Variants in PTER observed in about 807,000 individuals in gnomAD.
PTER encodes N-acetyltaurine hydrolase.
A neutral mutation model predicts 29.6 loss-of-function variants in PTER; 38 were observed. The observed-to-expected ratio is 1.28, with a 90% CI of 0.99 to 1.68. The LOEUF is 1.68. PTER is among the 40% of genes most tolerant of loss of function. The pLI, the probability that PTER is intolerant of heterozygous loss-of-function variation, is 0.00. For missense variants in PTER, 482 were observed against 427.8 expected (o/e 1.13, Z -1.12); for synonymous variants, 172 against 154.5 (o/e 1.11, Z -0.84).
intron 3 of PTER, among the ~76,000 whole-genome samples, chr10:16,499,113 T>A (rs1836232084): frequency 6.6e-6 from 1 of 152,010 alleles, no homozygotes; most frequent in South Asian, 2.1e-4. Flanking sequence ...GAGACCTGAG[T>A]TTATCTTTTC....
At chr10:16,495,497 T>C (rs1836061123) in intron 3 of PTER, among the ~76,000 whole-genome samples, 1 of 152,192 alleles carries the variant, frequency 6.6e-6, no homozygotes, top group Non-Finnish European at 1.5e-5. Flanking sequence ...TAAACAATTT[T>C]TAATGATCAG....
At chr10:16,485,814 C>G (rs946090200) in intron 2 of PTER, among the ~76,000 whole-genome samples, 5 of 152,016 alleles carry the variant, frequency 3.3e-5, no homozygotes, top group South Asian at 2.1e-4. Context: ...TTTCTTGATG[C>G]CTTGTGCGGT....
chr10:16,472,407 C>T (rs1415259542), intron 1 of PTER, among the ~76,000 whole-genome samples: 2 of 152,022 alleles, frequency 1.3e-5, no homozygotes, highest in South Asian at 2.1e-4. Flanking sequence ...ATCACGGGGG[C>T]GGTTTCCCCC....
downstream of PTER, among the ~76,000 whole-genome samples, chr10:16,516,907 A>G (rs887879005): frequency 3.9e-5 from 6 of 152,172 alleles, no homozygotes; most frequent in African/African-American, 1.4e-4. Context: ...CCTATACTGT[A>G]CCGTAAGACT....
At chr10:16,455,136 G>A (rs777294819) in intron 1 of PTER, among the ~76,000 whole-genome samples, 1 of 152,068 alleles carries the variant, frequency 6.6e-6, no homozygotes, top group African/African-American at 2.4e-5. Context: ...GGCTGCAGTG[G>A]GAGGATCACT....
At chr10:16,507,088 G>A (rs1202967480) in intron 4 of PTER, among the ~76,000 whole-genome samples, 1 of 151,552 alleles carries the variant, frequency 6.6e-6, no homozygotes, top group Non-Finnish European at 1.5e-5. Flanking sequence ...TTGAGATGAG[G>A]GTCATGGGAT....
chr10:16,492,650 C>T (rs45575743), intron 3 of PTER, among the ~76,000 whole-genome samples: 18,926 of 152,208 alleles, frequency 0.12, 1,243 homozygotes, highest in Middle Eastern at 0.21. Flanking sequence ...AATTTTTGAG[C>T]CCCCTGGAGG....
intron 3 of PTER, among the ~76,000 whole-genome samples, chr10:16,494,543 C>G (rs1836020437): frequency 6.6e-6 from 1 of 152,156 alleles, no homozygotes; most frequent in East Asian, 1.9e-4. Flanking sequence ...GAAAGTCATG[C>G]CTCCGTGCAA....
chr10:16,502,685 T>A (rs1202254300), intron 3 of PTER, among the ~76,000 whole-genome samples: 1 of 152,122 alleles, frequency 6.6e-6, no homozygotes, highest in Non-Finnish European at 1.5e-5. Context: ...TTGGTTCTCC[T>A]GTGGTTTATA....
intron 1 of PTER, among the ~76,000 whole-genome samples, chr10:16,441,800 C>G (rs1833859429): frequency 6.6e-6 from 1 of 152,094 alleles, no homozygotes; most frequent in Non-Finnish European, 1.5e-5. Flanking sequence ...CAATGGTGGT[C>G]TCTGCTTTAC....
intron 3 of PTER, chr10:16,486,877 C>T (rs1835722841): frequency 2.0e-5 from 8 of 402,526 alleles, no homozygotes; most frequent in Middle Eastern, 6.8e-4. Flanking sequence ...CTTTAATTTA[C>T]TCAATCCTTT....
Position 16,486,559 on chromosome 10 carries a change from C to T in PTER, c.640C>T (p.Arg214Ter), listed in dbSNP as rs370033967. The change falls in exon 3 of 5, where the codon CGA (arginine) becomes TGA (stop). Residue 214 changes from arginine to a stop codon, truncating the protein, a stop_gained. Transcript: ENST00000535784. LOFTEE classifies it high-confidence loss of function. Reference protein sequence around the residue: ...RSSRAPFQIIRILQEAGADIS... With the variant: ...RSSRAPFQII ...CTCCAGGGCACCATTTCAGATTATC[C>T]GAATATTGCAAGAAGCAGGCGCAGA... is the stretch of plus-strand genomic sequence containing the variant. 2.0e-5 allele frequency: 32 copies of T among 1,613,758 alleles called. No individual in the cohort carries two copies. The highest frequency in any genetic ancestry group is 1.6e-4 in the Middle Eastern group (1 of 6,084).
chr10:16,465,574 A>G (rs766053546), intron 1 of PTER, among the ~76,000 whole-genome samples: 1 of 152,198 alleles, frequency 6.6e-6, no homozygotes, highest in Non-Finnish European at 1.5e-5. Context: ...ACGAAAACAT[A>G]GGTTTGCTTG....
At chr10:16,474,388 C>A (rs1469929842) in intron 1 of PTER, among the ~76,000 whole-genome samples, 3 of 152,134 alleles carry the variant, frequency 2.0e-5, no homozygotes, top group Non-Finnish European at 2.9e-5. Context: ...ATCTAACACT[C>A]AAATAATTCT....
chr10:16,452,194 T>TACACACACACACACACACAC lies in PTER; in HGVS notation c.-49+15155_-49+15174dup, dbSNP rs375537112. Reference sequence around the variant, plus strand: ...AAATCAGTTTGAACCACCAGTGGGATACACACACACACACACACACACACA... The same window carrying TACACACACACACACACACAC: ...AAATCAGTTTGAACCACCAGTGGGATACACACACACACACACACACACACACACACACACACACACACACA... On this transcript the variant is annotated intron_variant, in intron 1 of 4. Transcript: ENST00000535784. Among the ~76,000 whole-genome samples, 1,104 of 146,296 alleles carry TACACACACACACACACACAC rather than the reference T, an allele frequency of 7.5e-3. 11 individuals are homozygous for TACACACACACACACACACAC. The highest frequency in any genetic ancestry group is 0.016 in the African/African-American group (642 of 39,312).
Position 16,484,751 on chromosome 10 carries a change from T to A in PTER, c.367T>A (p.Ser123Thr), listed in dbSNP as rs1385362587. 1.2e-6 allele frequency: 2 copies of A among 1,613,896 alleles called. No homozygotes were observed. Among genetic ancestry groups the A allele is most frequent in the Non-Finnish European group, 8.5e-7 (1 of 1,179,972 alleles). ...AGAAGAGACTGGCGTCCATATCATA[T>A]CTGGAGCCGGGTTTTATGTGGATGC... ...LAEETGVHII[S>T]GAGFYVDATH... Residue 123 changes from serine to threonine, a missense_variant, in exon 2 of 5, where the codon TCT becomes ACT. Ser to Thr is a moderately conservative substitution (Grantham distance 58, BLOSUM62 1). Coordinates refer to ENST00000535784, the MANE Select transcript of PTER (RefSeq NM_001261836.2).
At chr10:16,498,853 A>G (rs1377752168) in intron 3 of PTER, among the ~76,000 whole-genome samples, 1 of 152,200 alleles carries the variant, frequency 6.6e-6, no homozygotes, top group Non-Finnish European at 1.5e-5. Flanking sequence ...GCGCTTTGGC[A>G]GTCCCTGGAA....
intron 1 of PTER, among the ~76,000 whole-genome samples, chr10:16,465,786 G>A (rs143787825): frequency 6.6e-6 from 1 of 152,202 alleles, no homozygotes; most frequent in Non-Finnish European, 1.5e-5. Flanking sequence ...TCATAGTTCT[G>A]CCTGGCTGGG....
intron 1 of PTER, among the ~76,000 whole-genome samples, chr10:16,466,465 C>T (rs529503785): frequency 3.3e-5 from 5 of 152,326 alleles, no homozygotes; most frequent in East Asian, 3.9e-4. Flanking sequence ...AAGTGATTCT[C>T]ATGACTCAGC....
Sources: allele counts gnomAD v4.1 joint callset (sites outside exome capture counted in the v4.1 genomes callset), GRCh38; gene constraint gnomAD v4.1.1; transcripts MANE v1.5; gene names NCBI Gene and HGNC (gene_info 2026-07-23, HGNC 2026-07-21).